Variants in DCBLD2 observed in about 807,000 individuals in gnomAD.
DCBLD2 encodes discoidin, CUB and LCCL domain-containing protein 2.
A neutral mutation model predicts 86.8 loss-of-function variants in DCBLD2; 54 were observed. The ratio of observed to expected loss-of-function variants is 0.62; its 90% CI spans 0.50 to 0.78. The LOEUF is 0.78. Among genes scored for constraint, DCBLD2 ranks in the 30% least tolerant of loss-of-function variants. DCBLD2 has a pLI of 0.00. For missense variants in DCBLD2, 908 were observed against 954.2 expected (o/e 0.95, Z 0.64); for synonymous variants, 354 against 341.3 (o/e 1.04, Z -0.41).
At chr3:98,871,298 T>C (rs1054408085) in intron 2 of DCBLD2, among the ~76,000 whole-genome samples, 1 of 152,210 alleles carries the variant, frequency 6.6e-6, no homozygotes, top group Non-Finnish European at 1.5e-5. Context: ...CTGACTGTTC[T>C]AGCTAGAACT....
At chr3:98,816,330 T>C (rs759020533) in intron 9 of DCBLD2, 8 of 151,788 alleles carry the variant, frequency 5.3e-5, no homozygotes, top group Non-Finnish European at 1.0e-4. Flanking sequence ...CAACATAGAA[T>C]CTTTTTCAGA....
rs754756566 is a variant in DCBLD2 at position 98,881,649 on chromosome 3, T to C, written c.324A>G (p.Gly108=). The C allele has an allele frequency of 4.3e-6, 7 of 1,613,846 alleles. No individual in the cohort carries two copies. Among genetic ancestry groups the C allele is most frequent in the East Asian group, 2.2e-5 (1 of 44,886 alleles). Residue 108 remains glycine (G), a synonymous_variant, in exon 2 of 16, where the codon GGA becomes GGG. Transcript: ENST00000326840. ...CACCAAATTTGATGCGAACTCTCTCTCCCATCTTTACACGGATCTCCCATT... is the reference window on the plus strand; with the variant it reads ...CACCAAATTTGATGCGAACTCTCTCCCCCATCTTTACACGGATCTCCCATT... The part of the protein sequence containing the change: ...VCEWEIRVKM[G]ERVRIKFGDF...
At chr3:98,862,377 G>C (rs1299830897) in intron 2 of DCBLD2, among the ~76,000 whole-genome samples, 7 of 152,182 alleles carry the variant, frequency 4.6e-5, no homozygotes, top group Non-Finnish European at 7.3e-5. Context: ...TATGAGGCCA[G>C]CATCATCCTG....
intron 2 of DCBLD2, among the ~76,000 whole-genome samples, chr3:98,879,403 T>C (rs1943422866): frequency 6.6e-6 from 1 of 152,194 alleles, no homozygotes; most frequent in African/African-American, 2.4e-5. Context: ...TTTTCTTTTT[T>C]TGAGACGGAG....
chr3:98,849,648 AT>A, intron 2 of DCBLD2, 50 bp from the exon 3 acceptor site: 2 of 1,577,864 alleles, frequency 1.3e-6, no homozygotes, highest in East Asian at 4.5e-5. Context: ...CATGAAGTCA[AT>A]AATATTTGCA....
Position 98,800,655 on chromosome 3 carries a change from T to G in DCBLD2, c.1782A>C (p.Pro594=). 1 of 1,613,966 alleles carries G rather than the reference T, an allele frequency of 6.2e-7. No homozygotes were observed. The highest frequency in any genetic ancestry group is 8.5e-7 in the Non-Finnish European group (1 of 1,179,868). Residue 594 remains proline (P), a synonymous_variant, in exon 15 of 16, where the codon CCA becomes CCC. Coordinates refer to ENST00000326840, the MANE Select transcript of DCBLD2 (RefSeq NM_080927.4). ...PAKAVDHEET[P]VRYSSSEVNH... ...TAACTTCGCTGCTGCTATAGCGAAC[T>G]GGGGTTTCCTCATGGTCCACTGCTT...
intron 1 of DCBLD2, among the ~76,000 whole-genome samples, chr3:98,897,607 G>A (rs760702122): frequency 5.3e-5 from 8 of 152,032 alleles, no homozygotes; most frequent in Admixed American, 1.3e-4. Context: ...GGCATTCCTT[G>A]ACAGAATATA....
At chr3:98,848,299 A>G (rs1317996486) in intron 3 of DCBLD2, among the ~76,000 whole-genome samples, 1 of 152,230 alleles carries the variant, frequency 6.6e-6, no homozygotes, top group Non-Finnish European at 1.5e-5. Context: ...TGCAAAGAAC[A>G]TCTCATTCTT....
At chr3:98,810,619 C>T (rs1462925172) in intron 12 of DCBLD2, among the ~76,000 whole-genome samples, 1 of 151,914 alleles carries the variant, frequency 6.6e-6, no homozygotes, top group African/African-American at 2.4e-5. Flanking sequence ...TATTTTGAGA[C>T]CTTATTTATC....
intron 3 of DCBLD2, among the ~76,000 whole-genome samples, chr3:98,834,970 CT>C (rs778620627): frequency 4.5e-4 from 61 of 134,428 alleles, no homozygotes; most frequent in African/African-American, 5.5e-4. Context: ...CTTGCACATT[CT>C]TTTTTTTTTT....
rs562186974 is a variant in DCBLD2 at position 98,811,552 on chromosome 3, G to A, written c.1366C>T (p.Arg456Cys). 4.5e-5 allele frequency: 70 copies of A among 1,555,750 alleles called. No individual in the cohort carries two copies. The East Asian group carries it at 1.4e-3, about 31-fold the overall frequency. ...GGAGGTTGAGTAAGTTTTGGAGGAC[G>A]ACCTTGAAAAATGGTTTAGAAAAAT... Reference protein sequence around the residue: ...LLGCQFIPKGRPPKLTQPPPP... With the variant: ...LLGCQFIPKGCPPKLTQPPPP... The change falls in exon 11 of 16, where the codon CGT becomes TGT. Residue 456 changes from arginine to cysteine, a missense_variant and splice_region_variant. By Grantham distance (180) the Arg-to-Cys change is radical. Around this residue, in one of 3 missense-constraint regions of DCBLD2, gnomAD observed 606 missense variants for 678.5 expected, o/e 0.89. Transcript: ENST00000326840.
chr3:98,801,590 C>A lies in DCBLD2; in HGVS notation c.1720+10G>T, dbSNP rs748388863. 6.2e-7 allele frequency: 1 copy of A among 1,606,930 alleles called. No homozygotes were observed. The highest frequency in any genetic ancestry group is 1.1e-5 in the South Asian group (1 of 89,806). ...TGATAGAAATGAGATGCAAAGACCA[C>A]GTGAGTTACCTGCCCGGTCCCAGTA... On this transcript the variant is annotated intron_variant, in intron 14 of 15. Transcript: ENST00000326840.
At chr3:98,820,513 G>C (rs1942099795) in intron 6 of DCBLD2, among the ~76,000 whole-genome samples, 1 of 152,118 alleles carries the variant, frequency 6.6e-6, no homozygotes, top group African/African-American at 2.4e-5. Context: ...CAAGTATCTA[G>C]CACCCAGTTT....
intron 2 of DCBLD2, among the ~76,000 whole-genome samples, chr3:98,860,744 C>A (rs1943026288): frequency 6.6e-6 from 1 of 152,148 alleles, no homozygotes; most frequent in South Asian, 2.1e-4. Context: ...TGGAAAGGAA[C>A]AACCAATACC....
intron 2 of DCBLD2, among the ~76,000 whole-genome samples, chr3:98,875,378 A>C (rs1310211639): frequency 6.6e-6 from 1 of 152,198 alleles, no homozygotes; most frequent in Non-Finnish European, 1.5e-5. Flanking sequence ...CTACATGAGA[A>C]AGAGTTTAAA....
intron 14 of DCBLD2, 60 bp downstream of exon 14, chr3:98,801,540 C>T (rs1322223039): frequency 1.4e-6 from 2 of 1,387,190 alleles, no homozygotes; most frequent in African/African-American, 2.9e-5. Context: ...TCACTACTGC[C>T]CCCTGTAGGG....
intron 9 of DCBLD2, 82 bp from the exon 10 acceptor site, chr3:98,812,564 C>A: frequency 2.3e-6 from 3 of 1,316,208 alleles, no homozygotes; most frequent in Non-Finnish European, 3.1e-6. Flanking sequence ...TGTTTTTGTT[C>A]TTTGCTCTAG....
intron 2 of DCBLD2, among the ~76,000 whole-genome samples, chr3:98,873,376 T>G (rs1943312830): frequency 6.6e-6 from 1 of 152,080 alleles, no homozygotes. Flanking sequence ...CCTTCTCAAG[T>G]ATATATAGAA....
intron 1 of DCBLD2, among the ~76,000 whole-genome samples, chr3:98,891,404 C>G (rs1485968630): frequency 6.6e-6 from 1 of 152,002 alleles, no homozygotes; most frequent in Non-Finnish European, 1.5e-5. Flanking sequence ...TACTTTTTAT[C>G]TCCTTAGCAG....
Sources: allele counts gnomAD v4.1 joint callset (sites outside exome capture counted in the v4.1 genomes callset), GRCh38; gene constraint gnomAD v4.1.1; regional missense constraint gnomAD v4.1.1; transcripts MANE v1.5; gene names NCBI Gene and HGNC (gene_info 2026-07-23, HGNC 2026-07-21).